AKR1C8: variants seen among roughly 807,000 people sequenced by gnomAD.
AKR1C8 encodes aldo-keto reductase family 1 member C-like protein 1.
the AKR1C8 span, among the ~76,000 whole-genome samples, chr10:5,151,493 C>CA: frequency 6.6e-6 from 1 of 151,414 alleles, no homozygotes; most frequent in South Asian, 2.1e-4. Context: ...TTGTTTCCTT[C>CA]TCTTTCACTG....
At chr10:5,125,720 T>G in the AKR1C8 span, among the ~76,000 whole-genome samples, 1 of 152,196 alleles carries the variant, frequency 6.6e-6, no homozygotes, top group Non-Finnish European at 1.5e-5. Flanking sequence ...ACAAAATGGC[T>G]ATCTGTAACC....
At chr10:5,177,420 G>C in the AKR1C8 span, among the ~76,000 whole-genome samples, 2 of 152,106 alleles carry the variant, frequency 1.3e-5, no homozygotes, top group Admixed American at 1.3e-4. Flanking sequence ...TGTTCATCAA[G>C]GATATTGGTC....
the AKR1C8 span, among the ~76,000 whole-genome samples, chr10:5,152,255 T>A: frequency 6.6e-6 from 1 of 152,158 alleles, no homozygotes; most frequent in Non-Finnish European, 1.5e-5. Flanking sequence ...TGTGCTATAG[T>A]TTTTTGAAAC....
the AKR1C8 span, chr10:5,184,943 C>G: frequency 1.9e-6 from 1 of 514,288 alleles, no homozygotes; most frequent in Non-Finnish European, 4.0e-6. Context: ...AAGTGCAGGG[C>G]TCTTGCCTGA....
At chr10:5,146,216 G>A in the AKR1C8 span, among the ~76,000 whole-genome samples, 2 of 119,544 alleles carry the variant, frequency 1.7e-5, no homozygotes, top group Admixed American at 9.3e-5. Flanking sequence ...GGGGGAGGGG[G>A]GAGGGATAGC....
the AKR1C8 span, among the ~76,000 whole-genome samples, chr10:5,166,414 A>G: frequency 6.6e-6 from 1 of 152,222 alleles, no homozygotes; most frequent in African/African-American, 2.4e-5. Context: ...TACCCAAAAC[A>G]GCATGGTACT....
chr10:5,117,130 CT>C, the AKR1C8 span, among the ~76,000 whole-genome samples: 43,708 of 148,220 alleles, frequency 0.29, 6,872 homozygotes, highest in Non-Finnish European at 0.36. Context: ...TGGCAGTGAG[CT>C]TTTTTTTTTT....
chr10:5,144,779 A>T, the AKR1C8 span, among the ~76,000 whole-genome samples: 1 of 152,046 alleles, frequency 6.6e-6, no homozygotes, highest in Non-Finnish European at 1.5e-5. Context: ...GGCTGAGACA[A>T]TGGGGTTTTC....
chr10:5,168,351 T>C, the AKR1C8 span, among the ~76,000 whole-genome samples: 3 of 151,996 alleles, frequency 2.0e-5, no homozygotes, highest in African/African-American at 4.8e-5. Context: ...GCCCCAGCCC[T>C]TCTTGTTCCC....
the AKR1C8 span, among the ~76,000 whole-genome samples, chr10:5,181,025 T>A: frequency 1.3e-5 from 2 of 152,176 alleles, no homozygotes; most frequent in South Asian, 4.1e-4. Flanking sequence ...CACTCCCTTG[T>A]GAGATGAACC....
chr10:5,118,806 C>T, the AKR1C8 span, among the ~76,000 whole-genome samples: 1 of 152,000 alleles, frequency 6.6e-6, no homozygotes, highest in Admixed American at 6.6e-5. Context: ...TTCCCTTGGC[C>T]CCTATAGCTG....
the AKR1C8 span, among the ~76,000 whole-genome samples, chr10:5,184,554 C>T: frequency 1.3e-3 from 201 of 152,248 alleles, no homozygotes; most frequent in Non-Finnish European, 2.5e-3. Context: ...CCTCCTGGGT[C>T]CTTGGCCCTT....
chr10:5,182,025 C>A, the AKR1C8 span, among the ~76,000 whole-genome samples: 2 of 152,032 alleles, frequency 1.3e-5, no homozygotes, highest in Admixed American at 1.3e-4. Flanking sequence ...TTTAACTTTT[C>A]ACTAAAAAAT....
the AKR1C8 span, among the ~76,000 whole-genome samples, chr10:5,166,203 C>G: frequency 6.6e-6 from 1 of 151,880 alleles, no homozygotes; most frequent in Non-Finnish European, 1.5e-5. Context: ...AAAAAAATGG[C>G]CATACTGCCC....
At chr10:5,176,253 G>A in the AKR1C8 span, among the ~76,000 whole-genome samples, 1 of 126,072 alleles carries the variant, frequency 7.9e-6, no homozygotes, top group African/African-American at 2.8e-5. Flanking sequence ...CCCATTGCTT[G>A]TTTTTCTCAG....
chr10:5,171,743 G>T, the AKR1C8 span, among the ~76,000 whole-genome samples: 2 of 151,958 alleles, frequency 1.3e-5, no homozygotes, highest in Admixed American at 6.6e-5. Flanking sequence ...AGAAAAACTG[G>T]ATGATGCCCC....
the AKR1C8 span, among the ~76,000 whole-genome samples, chr10:5,160,160 A>C: frequency 4.3e-5 from 5 of 116,314 alleles, 2 homozygotes; most frequent in Admixed American, 4.8e-4. Flanking sequence ...TTCCTAATGC[A>C]TTACCTTGCT....
chr10:5,151,079 C>G, the AKR1C8 span, among the ~76,000 whole-genome samples: 1 of 152,022 alleles, frequency 6.6e-6, no homozygotes, highest in Non-Finnish European at 1.5e-5. Flanking sequence ...TTGAAGCTGT[C>G]CTCTTGCACT....
chr10:5,122,317 C>A, the AKR1C8 span: 10 of 191,562 alleles, frequency 5.2e-5, no homozygotes, highest in Non-Finnish European at 1.1e-4. Context: ...GGCCTGGGAC[C>A]TCTTCCACCT....
Sources: gnomAD v4.1 joint callset for allele counts (sites outside exome capture counted in the v4.1 genomes callset) on GRCh38, gnomAD v4.1.1 for gene constraint, MANE v1.5 for transcripts, NCBI Gene and HGNC (gene_info 2026-07-23, HGNC 2026-07-21) for gene names.